GMDS: variants seen among roughly 807,000 people sequenced by gnomAD.
GMDS encodes GDP-mannose 4,6 dehydratase.
A neutral mutation model predicts 49.9 loss-of-function variants in GMDS; 20 were observed. The observed-to-expected ratio is 0.40, with a 90% CI of 0.28 to 0.58. The LOEUF is 0.58. GMDS is among the 20% of genes least tolerant of loss of function. The pLI, the probability that GMDS is intolerant of heterozygous loss-of-function variation, is 0.42. For missense variants in GMDS, 362 were observed against 481.4 expected (o/e 0.75, Z 2.32); for synonymous variants, 177 against 178.6 (o/e 0.99, Z 0.07).
At chr6:1,742,114 G>C (rs1302681393) in intron 8 of GMDS, among the ~76,000 whole-genome samples, 1 of 151,774 alleles carries the variant, frequency 6.6e-6, no homozygotes, top group Non-Finnish European at 1.5e-5. Flanking sequence ...TAGAGATGGG[G>C]TTTCACCATG....
chr6:2,058,948 A>G (rs192693599), intron 4 of GMDS, among the ~76,000 whole-genome samples: 1 of 152,176 alleles, frequency 6.6e-6, no homozygotes, highest in Non-Finnish European at 1.5e-5. Context: ...GGCCAAGGTG[A>G]GCAGATTGCC....
chr6:2,050,879 C>A (rs1264286740), intron 4 of GMDS, among the ~76,000 whole-genome samples: 2 of 152,116 alleles, frequency 1.3e-5, no homozygotes, highest in Non-Finnish European at 2.9e-5. Context: ...GAAAACACTG[C>A]ATTTTCTCAC....
At chr6:1,925,732 C>T (rs1026537068) in intron 7 of GMDS, among the ~76,000 whole-genome samples, 3 of 152,090 alleles carry the variant, frequency 2.0e-5, no homozygotes, top group South Asian at 2.1e-4. Flanking sequence ...AGGGAAGTGC[C>T]GGGAGGAGAA....
intron 7 of GMDS, among the ~76,000 whole-genome samples, chr6:1,852,552 T>A (rs1379404064): frequency 6.6e-6 from 1 of 152,190 alleles, no homozygotes; most frequent in East Asian, 1.9e-4. Flanking sequence ...AAGCTTCCCC[T>A]CCACTAAAAA....
At chr6:2,156,653 TTTC>T (rs1777128562) in intron 1 of GMDS, among the ~76,000 whole-genome samples, 1 of 152,162 alleles carries the variant, frequency 6.6e-6, no homozygotes, top group Non-Finnish European at 1.5e-5. Flanking sequence ...AGCAAATTAC[TTTC>T]TTTTTTTCCT....
intron 7 of GMDS, among the ~76,000 whole-genome samples, chr6:1,775,961 G>A (rs1307192888): frequency 2.0e-5 from 3 of 152,168 alleles, no homozygotes; most frequent in East Asian, 1.9e-4. Context: ...TGGGAGGTAT[G>A]TGGGGTTTTA....
chr6:1,881,121 T>A lies in GMDS; in HGVS notation c.771+48982A>T, dbSNP rs560532836. Among the ~76,000 whole-genome samples, 9 of 152,146 alleles carry A rather than the reference T, an allele frequency of 5.9e-5. No individual in the cohort carries two copies. The South Asian group carries it at 1.9e-3, about 32-fold the overall frequency. ...TTTCTATCATCAGTAAAAAAGACAT[T>A]CAACTATTAATTTAAAAACAGGCAG... On this transcript the variant is annotated intron_variant, in intron 7 of 10. Transcript: ENST00000380815.
chr6:1,905,346 C>G (rs1760706298), intron 7 of GMDS, among the ~76,000 whole-genome samples: 1 of 151,068 alleles, frequency 6.6e-6, no homozygotes, highest in Admixed American at 6.6e-5. Flanking sequence ...CTCAAAGGTG[C>G]CTGTGCATCT....
intron 1 of GMDS, among the ~76,000 whole-genome samples, chr6:2,133,111 T>C (rs1775827717): frequency 6.6e-6 from 1 of 152,176 alleles, no homozygotes; most frequent in Non-Finnish European, 1.5e-5. Flanking sequence ...ACTCGAGTGA[T>C]TTATAGAGGA....
intron 7 of GMDS, among the ~76,000 whole-genome samples, chr6:1,886,881 T>G (rs559888282): frequency 1.3e-5 from 2 of 152,346 alleles, no homozygotes; most frequent in Non-Finnish European, 2.9e-5. Context: ...TTTTTCTTAT[T>G]TGCTCTTAGC....
At chr6:1,669,509 A>G (rs1764345275) in intron 9 of GMDS, among the ~76,000 whole-genome samples, 1 of 152,216 alleles carries the variant, frequency 6.6e-6, no homozygotes, top group African/African-American at 2.4e-5. Flanking sequence ...ATAGAAACAC[A>G]TATTGCATGT....
intron 7 of GMDS, among the ~76,000 whole-genome samples, chr6:1,792,576 T>A (rs1034461161): frequency 4.6e-5 from 7 of 152,204 alleles, no homozygotes; most frequent in African/African-American, 1.7e-4. Context: ...TTTCTTGATG[T>A]ATTCCCTTGT....
rs868073948 is a variant in GMDS at position 1,898,116 on chromosome 6, C to A, written c.771+31987G>T. Among the ~76,000 whole-genome samples, 160 of 137,344 alleles carry A rather than the reference C, an allele frequency of 1.2e-3. 2 individuals are homozygous for A. Among genetic ancestry groups the A allele is most frequent in the African/African-American group, 4.3e-3 (151 of 34,860 alleles). The allele number at this position is 137,344 out of a possible 152,430, so 90.1% of individuals were successfully genotyped here. ...TGGACACCTATCCTGGCCTCCCTTG[C>A]CATCCTGGACACCTACCCTGGCCTC... On this transcript the variant is annotated intron_variant, in intron 7 of 10. Coordinates refer to ENST00000380815, the MANE Select transcript of GMDS (RefSeq NM_001500.4).
chr6:2,245,584 G>T lies in GMDS; in HGVS notation c.-162C>A, dbSNP rs1277293119. ...CCGGCCGCCACAGTCTGACAGGGGC[G>T]CACGGGAGGCCGTGCAGGGAGGGCC... is the stretch of plus-strand genomic sequence containing the variant. On this transcript the variant is annotated 5_prime_UTR_variant, in exon 1 of 11. Transcript: ENST00000380815. 2.5e-6 allele frequency: 1 copy of T among 400,598 alleles called. No homozygotes were observed. The highest frequency in any genetic ancestry group is 4.3e-6 in the Non-Finnish European group (1 of 230,690). The allele number at this position is 400,598 out of a possible 1,614,324, so 24.8% of individuals were successfully genotyped here.
chr6:1,968,575 G>A (rs1265032901), intron 4 of GMDS, among the ~76,000 whole-genome samples: 1 of 152,046 alleles, frequency 6.6e-6, no homozygotes, highest in African/African-American at 2.4e-5. Flanking sequence ...CTCTCATAAT[G>A]GACTAGCTCT....
chr6:1,823,110 A>G (rs1208040987), intron 7 of GMDS, among the ~76,000 whole-genome samples: 1 of 152,238 alleles, frequency 6.6e-6, no homozygotes, highest in Non-Finnish European at 1.5e-5. Flanking sequence ...GGATACTAGA[A>G]GTGTGTAAAA....
intron 7 of GMDS, among the ~76,000 whole-genome samples, chr6:1,761,428 AT>A (rs1768150000): frequency 6.6e-6 from 1 of 152,226 alleles, no homozygotes. Context: ...GGTGACTAAA[AT>A]TCTCAGTAGT....
intron 1 of GMDS, among the ~76,000 whole-genome samples, chr6:2,169,506 G>A (rs934369351): frequency 1.3e-5 from 2 of 151,716 alleles, no homozygotes; most frequent in African/African-American, 4.8e-5. Context: ...TACTCAGGAG[G>A]CTGGAGCTGG....
At chr6:1,773,531 G>A (rs748524891) in intron 7 of GMDS, among the ~76,000 whole-genome samples, 2 of 152,184 alleles carry the variant, frequency 1.3e-5, no homozygotes, top group African/African-American at 2.4e-5. Flanking sequence ...GGGCAGGTGC[G>A]TGCACATCGG....
Sources: allele counts gnomAD v4.1 joint callset (sites outside exome capture counted in the v4.1 genomes callset), GRCh38; gene constraint gnomAD v4.1.1; transcripts MANE v1.5; gene names NCBI Gene and HGNC (gene_info 2026-07-23, HGNC 2026-07-21).